The following MAN1A2 variants were observed in gnomAD, a reference collection of about 807,000 sequenced individuals.
MAN1A2 encodes mannosidase alpha class 1A member 2.
In MAN1A2, 26 loss-of-function variants were observed where a neutral mutation model predicts 75.7. That is an observed-to-expected ratio of 0.34 (90% CI 0.25 to 0.48). The LOEUF (loss-of-function observed/expected upper bound fraction) is 0.48. Among genes scored for constraint, MAN1A2 ranks in the 20% least tolerant of loss-of-function variants. The probability of loss-of-function intolerance (pLI) is 0.99; values close to 1 mark genes in which losing one functional copy is unlikely to be tolerated. For synonymous variants in MAN1A2, 247 were observed against 264.6 expected (o/e 0.93, Z 0.65); for missense variants, 562 against 775.5 (o/e 0.72, Z 3.27).
chr1:117,522,786 A>G lies in MAN1A2; in HGVS notation c.1794-39A>G, dbSNP rs769615353. On this transcript the variant is annotated intron_variant, in intron 12 of 12. Coordinates refer to ENST00000356554, the MANE Select transcript of MAN1A2 (RefSeq NM_006699.5). The stretch of plus-strand genomic sequence containing the variant: ...TGAGCTCACTTCATGTTCTTGTTGA[A>G]TTCTAACTGAAGCTCATTTCTCCCC... The G allele has an allele frequency of 1.3e-5, 20 of 1,595,688 alleles. No individual in the cohort carries two copies. In the African/African-American group the frequency reaches 2.3e-4, roughly 18 times the overall value.
At chr1:117,383,486 A>G (rs1173482057) in intron 1 of MAN1A2, among the ~76,000 whole-genome samples, 2 of 152,164 alleles carry the variant, frequency 1.3e-5, no homozygotes, top group East Asian at 3.9e-4. Flanking sequence ...GAATTAGGAA[A>G]TCATTCCTCC....
intron 6 of MAN1A2, among the ~76,000 whole-genome samples, chr1:117,449,658 G>A (rs886579050): frequency 2.0e-5 from 3 of 152,016 alleles, no homozygotes; most frequent in East Asian, 1.9e-4. Flanking sequence ...CAAACAGTCC[G>A]CCAAGTTGTG....
intron 3 of MAN1A2, among the ~76,000 whole-genome samples, chr1:117,412,182 A>G (rs1395963681): frequency 6.6e-6 from 1 of 151,746 alleles, no homozygotes; most frequent in East Asian, 1.9e-4. Flanking sequence ...TAGCTCTTTG[A>G]AAACTTTTTT....
At position 117,469,233 on chromosome 1, in the gene MAN1A2, G is replaced by T. The variant is rs141354192; in HGVS notation, c.1168+2806G>T. ...CAGAACTCTTTCTCTTCAACGTTGTGTTGAGAAAACTGGATAGCCATGTGA... is the reference window on the plus strand; with the variant it reads ...CAGAACTCTTTCTCTTCAACGTTGTTTTGAGAAAACTGGATAGCCATGTGA... On this transcript the variant is annotated intron_variant, in intron 8 of 12. Transcript: ENST00000356554. Among the ~76,000 whole-genome samples, 11 of 152,168 alleles carry T rather than the reference G, an allele frequency of 7.2e-5. No homozygotes were observed. The East Asian group carries it at 1.7e-3, about 24-fold the overall frequency.
At chr1:117,410,988 G>A (rs531277771) in intron 3 of MAN1A2, among the ~76,000 whole-genome samples, 1 of 151,842 alleles carries the variant, frequency 6.6e-6, no homozygotes, top group East Asian at 1.9e-4. Flanking sequence ...CCATGTTGAT[G>A]AATTTGAATA....
chr1:117,508,776 G>A (rs1206243941), intron 12 of MAN1A2, among the ~76,000 whole-genome samples: 3 of 149,910 alleles, frequency 2.0e-5, no homozygotes, highest in Admixed American at 6.7e-5. Flanking sequence ...ATGTGCATAC[G>A]TAACACATAG....
Position 117,524,479 on chromosome 1 carries a change from T to C in MAN1A2, c.*1522T>C, listed in dbSNP as rs1021284774. The stretch of plus-strand genomic sequence containing the variant: ...ACAGTATAATTAGTATAACATTTAC[T>C]CTGAATTTGAAGATTTCCTGAAACA... On this transcript the variant is annotated 3_prime_UTR_variant, in exon 13 of 13. Transcript: ENST00000356554. 1 of 151,838 alleles carries C rather than the reference T, an allele frequency of 6.6e-6. No individual in the cohort carries two copies. The highest frequency in any genetic ancestry group is 2.4e-5 in the African/African-American group (1 of 41,418). The allele number at this position is 151,838 out of a possible 1,614,324, so 9.4% of individuals were successfully genotyped here.
intron 6 of MAN1A2, among the ~76,000 whole-genome samples, chr1:117,446,898 G>C (rs1171601160): frequency 6.6e-6 from 1 of 152,032 alleles, no homozygotes; most frequent in East Asian, 1.9e-4. Context: ...TTGTGGAATT[G>C]TCTCTTCTCT....
intron 8 of MAN1A2, among the ~76,000 whole-genome samples, chr1:117,481,156 C>CT (rs1650483743): frequency 6.6e-6 from 1 of 151,826 alleles, no homozygotes; most frequent in East Asian, 1.9e-4. Context: ...AACTCTTGAA[C>CT]TTTTTCTTTT....
chr1:117,409,859 T>C (rs571868232), intron 3 of MAN1A2, among the ~76,000 whole-genome samples: 1 of 152,128 alleles, frequency 6.6e-6, no homozygotes, highest in Admixed American at 6.5e-5. Context: ...CTTATGAACA[T>C]AGACATAAGA....
chr1:117,505,818 A>G (rs1651340645), intron 12 of MAN1A2, among the ~76,000 whole-genome samples: 1 of 151,418 alleles, frequency 6.6e-6, no homozygotes. Flanking sequence ...ATAACTCTAT[A>G]AAAATATTGA....
chr1:117,515,016 A>G (rs950134415), intron 12 of MAN1A2: 1 of 438,412 alleles, frequency 2.3e-6, no homozygotes, highest in African/African-American at 2.0e-5. Flanking sequence ...GAATTAAAGT[A>G]TATGAAATGT....
At chr1:117,497,011 A>T (rs1651053843) in intron 10 of MAN1A2, 29 bp downstream of exon 10, 1 of 1,536,614 alleles carries the variant, frequency 6.5e-7, no homozygotes, top group Non-Finnish European at 8.9e-7. Flanking sequence ...CTAATTATAT[A>T]GTCTAAAATA....
At chr1:117,400,250 G>A (rs947424004) in intron 1 of MAN1A2, among the ~76,000 whole-genome samples, 3 of 151,482 alleles carry the variant, frequency 2.0e-5, no homozygotes, top group Non-Finnish European at 2.9e-5. Context: ...GTTACTGACC[G>A]TCTAGCCTAC....
intron 7 of MAN1A2, among the ~76,000 whole-genome samples, chr1:117,464,545 A>G (rs769611752): frequency 1.6e-4 from 24 of 152,232 alleles, no homozygotes; most frequent in Middle Eastern, 3.4e-3. Context: ...GTAGAGCACA[A>G]TTCTCTAAAT....
At chr1:117,428,665 G>A (rs1221376596) in intron 5 of MAN1A2, among the ~76,000 whole-genome samples, 1 of 151,496 alleles carries the variant, frequency 6.6e-6, no homozygotes, top group Non-Finnish European at 1.5e-5. Context: ...GAAAGTAAAT[G>A]AATGGGAAAA....
intron 5 of MAN1A2, among the ~76,000 whole-genome samples, chr1:117,432,326 T>C (rs1328295440): frequency 1.3e-5 from 2 of 150,160 alleles, no homozygotes; most frequent in African/African-American, 2.5e-5. Context: ...AAGGAAAATA[T>C]TACAAAGTCG....
rs201858184 is a variant in MAN1A2, at chr1:117,415,680, A to T, written c.774+849A>T. 1.6e-4 allele frequency among the ~76,000 whole-genome samples: 24 copies of T among 152,210 alleles called. No homozygotes were observed. In the East Asian group the frequency reaches 4.3e-3, roughly 27 times the overall value. ...TAGATATTTATTTTTTTTTCATGTA[A>T]ATCAAGTACAGAGTTAAGCAGTTCA... On this transcript the variant is annotated intron_variant, in intron 4 of 12. Coordinates refer to ENST00000356554, the MANE Select transcript of MAN1A2 (RefSeq NM_006699.5).
chr1:117,368,232 C>T lies in MAN1A2; in HGVS notation c.49C>T (p.Leu17=), dbSNP rs747088792. The T allele has an allele frequency of 1.2e-6, 2 of 1,614,128 alleles. No homozygotes were observed. The highest frequency in any genetic ancestry group is 1.7e-6 in the Non-Finnish European group (2 of 1,180,012). Residue 17 remains leucine, a synonymous_variant, in exon 1 of 13, where the codon CTG becomes TTG. Transcript: ENST00000356554. ...LPLSGRRIPP[L]NLGPPSFPHH... ...CCTCTCTGGACGTAGGATACCACCT[C>T]TGAACCTGGGGCCGCCTTCCTTCCC...
Sources: gnomAD v4.1 joint callset for allele counts (sites outside exome capture counted in the v4.1 genomes callset) on GRCh38, gnomAD v4.1.1 for gene constraint, MANE v1.5 for transcripts, NCBI Gene and HGNC (gene_info 2026-07-23, HGNC 2026-07-21) for gene names.